Variants in BEST4 observed in about 807,000 individuals in gnomAD.
The protein encoded by BEST4 is bestrophin-4.
BEST4 carries 36 observed loss-of-function variants against 47.1 expected under a neutral mutation model. That is an observed-to-expected ratio of 0.76 (90% CI 0.59 to 1.01). The LOEUF is 1.01. BEST4 is among the 50% of genes least tolerant of loss of function. The pLI is 0.00. For synonymous variants in BEST4, 250 were observed against 277.8 expected (o/e 0.90, Z 1.00); for missense variants, 550 against 648.6 (o/e 0.85, Z 1.65).
In BEST4 at chr1:44,786,828, C is replaced by T. The variant is rs1046474838; in HGVS notation, c.248-132G>A. 1 of 683,812 alleles carries T rather than the reference C, an allele frequency of 1.5e-6. No individual in the cohort carries two copies. The highest frequency in any genetic ancestry group is 2.8e-5 in the Admixed American group (1 of 36,024). The allele number at this position is 683,812 out of a possible 1,614,324, so 42.4% of individuals were successfully genotyped here. A position where few individuals can be genotyped will look rare whatever the true frequency, so the allele number is the denominator to read the frequency against. On this transcript the variant is annotated intron_variant, in intron 2 of 8. Transcript: ENST00000372207. This position sits in a 1 kb window ranked among gnomAD's most constrained non-coding sequence, Gnocchi z 4.9. Reference sequence around the variant, plus strand: ...GTGGCAGGGGGAAGGAAACATTCAGCTCCAGTGCCCTGCTGTGCGAGGCCA... The same window carrying T: ...GTGGCAGGGGGAAGGAAACATTCAGTTCCAGTGCCCTGCTGTGCGAGGCCA...
Position 44,786,698 on chromosome 1 carries a change from T to A in BEST4, c.248-2A>T. 6.5e-7 allele frequency: 1 copy of A among 1,546,374 alleles called. No homozygotes were observed. The highest frequency in any genetic ancestry group is 8.7e-7 in the Non-Finnish European group (1 of 1,143,090). On this transcript the variant is annotated splice_acceptor_variant, in intron 2 of 8. Coordinates refer to ENST00000372207, the MANE Select transcript of BEST4 (RefSeq NM_153274.3). LOFTEE classifies it high-confidence loss of function. The surrounding 1 kb of genome is among the most constrained non-coding windows in gnomAD (Gnocchi z 4.9). ...TCACCACGAGAGTCACATAGAAACC[T>A]GCTTGGCCGCCGTGATAGAGGGAGT...
At position 44,786,415 on chromosome 1, in the gene BEST4, C is replaced by T; in HGVS notation, c.481+48G>A. 6.9e-7 allele frequency: 1 copy of T among 1,459,140 alleles called. No homozygotes were observed. The highest frequency in any genetic ancestry group is 1.3e-5 in the South Asian group (1 of 74,532). The allele number at this position is 1,459,140 out of a possible 1,614,324, so 90.4% of individuals were successfully genotyped here. A position where few individuals can be genotyped will look rare whatever the true frequency, so the allele number is the denominator to read the frequency against. ...CCAGGACTCTCCCAGGCGCCACCTG[C>T]ATCCGGCTGTGGGCCGGACCCCCAG... On this transcript the variant is annotated intron_variant, in intron 3 of 8. Transcript: ENST00000372207. The surrounding 1 kb of genome is among the most constrained non-coding windows in gnomAD (Gnocchi z 4.9).
At position 44,785,169 on chromosome 1, in the gene BEST4, G is replaced by A. The variant is rs182412775; in HGVS notation, c.851C>T (p.Pro284Leu). The A allele has an allele frequency of 6.3e-5, 101 of 1,614,042 alleles. No individual in the cohort carries two copies. The Middle Eastern group carries it at 6.6e-4, about 11-fold the overall frequency. The change falls in exon 6 of 9, where the codon CCG (proline) becomes CTG (leucine). Residue 284 changes from proline to leucine, a missense_variant. Coordinates refer to ENST00000372207, the MANE Select transcript of BEST4 (RefSeq NM_153274.3). ...GQEPAPALGD[P>L]DMYVPLTTLL... ...AGTGGTGAGAGGCACGTACATGTCC[G>A]GGTCTCCCAGGGCTGGGGCTGGCTC...
chr1:44,787,359 A>G lies in BEST4; in HGVS notation c.247+13T>C. Reference sequence around the variant, plus strand: ...GTAAGGGGGACACAGGGAAAACTAGAAGGGAGCCTTACCCAATACAAAGGA... The same window carrying G: ...GTAAGGGGGACACAGGGAAAACTAGGAGGGAGCCTTACCCAATACAAAGGA... On this transcript the variant is annotated intron_variant, in intron 2 of 8. Transcript: ENST00000372207. 2.5e-6 allele frequency: 4 copies of G among 1,613,692 alleles called. No individual in the cohort carries two copies. The highest frequency in any genetic ancestry group is 3.4e-6 in the Non-Finnish European group (4 of 1,179,748).
Position 44,785,587 on chromosome 1 carries a change from A to G in BEST4, c.714+12T>C. On this transcript the variant is annotated intron_variant, in intron 5 of 8. Coordinates refer to ENST00000372207, the MANE Select transcript of BEST4 (RefSeq NM_153274.3). ...AGTAGGCACTGGGACTCGGGAGGGG[A>G]GAGGCAGTTACTTGGGTGTAGACGA... 6.5e-7 allele frequency: 1 copy of G among 1,547,588 alleles called. No homozygotes were observed. Among genetic ancestry groups the G allele is most frequent in the Non-Finnish European group, 8.7e-7 (1 of 1,143,292 alleles).
chr1:44,786,705 C>T lies in BEST4; in HGVS notation c.248-9G>A. 1.3e-6 allele frequency: 2 copies of T among 1,543,758 alleles called. No homozygotes were observed. Among genetic ancestry groups the T allele is most frequent in the Non-Finnish European group, 1.8e-6 (2 of 1,141,112 alleles). ...GAGAGTCACATAGAAACCTGCTTGGCCGCCGTGATAGAGGGAGTAGGAAGG... is the reference window on the plus strand; with the variant it reads ...GAGAGTCACATAGAAACCTGCTTGGTCGCCGTGATAGAGGGAGTAGGAAGG... On this transcript the variant is annotated splice_polypyrimidine_tract_variant and intron_variant, in intron 2 of 8. Coordinates refer to ENST00000372207, the MANE Select transcript of BEST4 (RefSeq NM_153274.3). The surrounding 1 kb of genome is among the most constrained non-coding windows in gnomAD (Gnocchi z 4.9).
At chr1:44,788,249 G>A (rs571635083), upstream of BEST4, among the ~76,000 whole-genome samples, 1 of 152,312 alleles carries the variant, frequency 6.6e-6, no homozygotes, top group African/African-American at 2.4e-5. Flanking sequence ...TATCATTGAT[G>A]GATTGAAGCT....
upstream of BEST4, among the ~76,000 whole-genome samples, chr1:44,790,132 T>C (rs565474443): frequency 6.6e-6 from 1 of 152,326 alleles, no homozygotes; most frequent in Admixed American, 6.5e-5. Context: ...CTGCTGTTAC[T>C]ATGAAAATTT....
rs903534340 is a variant in BEST4 at position 44,787,942 on chromosome 1, C to T, written c.-237G>A. Among the ~76,000 whole-genome samples, 4 of 152,216 alleles carry T rather than the reference C, an allele frequency of 2.6e-5. No homozygotes were observed. Among genetic ancestry groups the T allele is most frequent in the African/African-American group, 4.8e-5 (2 of 41,446 alleles). On this transcript the variant is annotated 5_prime_UTR_variant, in exon 1 of 9. Coordinates refer to ENST00000372207, the MANE Select transcript of BEST4 (RefSeq NM_153274.3). ...CAAGGTAGAACTGAGATCTGTGTCC[C>T]TTCATGCATGAGGTTTCCTCAAGCT...
chr1:44,782,924 T>C (rs1163933284), downstream of BEST4, among the ~76,000 whole-genome samples: 3 of 152,016 alleles, frequency 2.0e-5, no homozygotes, highest in African/African-American at 7.2e-5. Flanking sequence ...ACAATTCCAA[T>C]GTAGTGCTCT....
In BEST4 at chr1:44,784,502, G is replaced by GGGGGGGGCCC; in HGVS notation, c.1149-20_1149-19insGGGCCCCCCC. The GGGGGGGGCCC allele has an allele frequency of 2.5e-6, 1 of 399,806 alleles. No individual in the cohort carries two copies. The highest frequency in any genetic ancestry group is 4.8e-6 in the Non-Finnish European group (1 of 210,208). 24.8% of individuals were successfully genotyped at this position (399,806 alleles called of 1,614,324 possible). A position where few individuals can be genotyped will look rare whatever the true frequency, so the allele number is the denominator to read the frequency against. ...GCTCATGCTGCGGGCGGGAGGGCGG[G>GGGGGGGGCCC]CTGAGCCGGGGCACAGGGCGGGAGC... On this transcript the variant is annotated intron_variant, in intron 8 of 8. Transcript: ENST00000372207. The surrounding 1 kb of genome is among the most constrained non-coding windows in gnomAD (Gnocchi z 6.2).
chr1:44,784,502 G>GGGGCCCC lies in BEST4; in HGVS notation c.1149-20_1149-19insGGGGCCC. 2.5e-6 allele frequency: 1 copy of GGGGCCCC among 399,778 alleles called. No homozygotes were observed. The highest frequency in any genetic ancestry group is 4.8e-6 in the Non-Finnish European group (1 of 210,180). 24.8% of individuals were successfully genotyped at this position (399,778 alleles called of 1,614,324 possible). On this transcript the variant is annotated intron_variant, in intron 8 of 8. Transcript: ENST00000372207. This position sits in a 1 kb window ranked among gnomAD's most constrained non-coding sequence, Gnocchi z 6.2. ...GCTCATGCTGCGGGCGGGAGGGCGG[G>GGGGCCCC]CTGAGCCGGGGCACAGGGCGGGAGC... is the stretch of plus-strand genomic sequence containing the variant.
chr1:44,785,660 C>T lies in BEST4; in HGVS notation c.653G>A (p.Arg218Gln). 2 of 1,554,336 alleles carry T rather than the reference C, an allele frequency of 1.3e-6. No homozygotes were observed. The highest frequency in any genetic ancestry group is 1.7e-6 in the Non-Finnish European group (2 of 1,148,648). The change falls in exon 5 of 9, where the codon CGA becomes CAA. Residue 218 changes from arginine (R) to glutamine (Q), a missense_variant. Transcript: ENST00000372207. ...GTGGAATAGCATGCTGCACTTGGCT[C>T]GGTACTTGTTCAGCTCCTGGGGGAA... The part of the protein sequence containing the change: ...CLLLEELNKY[R>Q]AKCSMLFHYD...
At chr1:44,782,627 C>G (rs1490712611), downstream of BEST4, among the ~76,000 whole-genome samples, 1 of 130,376 alleles carries the variant, frequency 7.7e-6, no homozygotes, top group East Asian at 2.4e-4. Flanking sequence ...AAGATTCCGT[C>G]TCAAATAAAT....
Position 44,786,251 on chromosome 1 carries a change from G to A in BEST4, c.482-23C>T. 1.9e-6 allele frequency: 3 copies of A among 1,597,860 alleles called. No homozygotes were observed. The highest frequency in any genetic ancestry group is 2.3e-5 in the South Asian group (2 of 88,844). On this transcript the variant is annotated intron_variant, in intron 3 of 8. Coordinates refer to ENST00000372207, the MANE Select transcript of BEST4 (RefSeq NM_153274.3). The surrounding 1 kb of genome is among the most constrained non-coding windows in gnomAD (Gnocchi z 4.9). The stretch of plus-strand genomic sequence containing the variant: ...AACCTGAGGGGGTAAAGCAGGTGGG[G>A]TGCAGTTGCACCCTCTGCCGCCAGG...
upstream of BEST4, among the ~76,000 whole-genome samples, chr1:44,789,218 C>T (rs1651340379): frequency 6.9e-6 from 1 of 145,234 alleles, no homozygotes; most frequent in African/African-American, 2.6e-5. Context: ...TGAGATCGTG[C>T]CACTGCACTC....
downstream of BEST4, among the ~76,000 whole-genome samples, chr1:44,782,686 C>T (rs187365626): frequency 1.6e-4 from 25 of 151,858 alleles, no homozygotes; most frequent in African/African-American, 5.8e-4. Context: ...TATTCACTAT[C>T]CCATGGACAT....
In BEST4 at chr1:44,784,815, T is replaced by C; in HGVS notation, c.994-32A>G. On this transcript the variant is annotated intron_variant, in intron 7 of 8. Transcript: ENST00000372207. The surrounding 1 kb of genome is among the most constrained non-coding windows in gnomAD (Gnocchi z 6.2). The stretch of plus-strand genomic sequence containing the variant: ...CACCAGCAAGTTACAAGGATCCTCC[T>C]CTCCTCTCCTTCCCACGGCCGGGCT... The C allele has an allele frequency of 6.3e-7, 1 of 1,598,798 alleles. No homozygotes were observed. The highest frequency in any genetic ancestry group is 8.5e-7 in the Non-Finnish European group (1 of 1,171,858).
upstream of BEST4, among the ~76,000 whole-genome samples, chr1:44,789,258 AG>A (rs869225517): frequency 0.04 from 4,043 of 99,874 alleles, 207 homozygotes; most frequent in African/African-American, 0.14. Context: ...AAAAAAAAAA[AG>A]AAAAGAAAGA....
Sources: gnomAD v4.1 joint callset for allele counts (sites outside exome capture counted in the v4.1 genomes callset) on GRCh38, gnomAD v4.1.1 for gene constraint, Gnocchi (gnomAD v3.1) non-coding constraint, MANE v1.5 for transcripts, NCBI Gene and HGNC (gene_info 2026-07-23, HGNC 2026-07-21) for gene names.